The following CTNNA1 variants were observed in gnomAD, a reference collection of about 807,000 sequenced individuals.
CTNNA1 encodes the protein catenin alpha-1.
A neutral mutation model predicts 98.4 loss-of-function variants in CTNNA1; 37 were observed. That is an observed-to-expected ratio of 0.38 (90% CI 0.29 to 0.49). CTNNA1 has a LOEUF of 0.49. CTNNA1 is among the 20% of genes least tolerant of loss of function. The pLI, the probability that CTNNA1 is intolerant of heterozygous loss-of-function variation, is 0.95. For synonymous variants in CTNNA1, 404 were observed against 413.2 expected (o/e 0.98, Z 0.27); for missense variants, 761 against 1,147.2 (o/e 0.66, Z 4.86).
intron 9 of CTNNA1, among the ~76,000 whole-genome samples, chr5:138,888,273 C>CGA (rs1458634233): frequency 6.6e-6 from 1 of 152,180 alleles, no homozygotes; most frequent in African/African-American, 2.4e-5. Flanking sequence ...ACTTATTTCG[C>CGA]AGGTAAGTTA....
intron 5 of CTNNA1, among the ~76,000 whole-genome samples, chr5:138,820,792 C>T (rs1406645395): frequency 6.6e-6 from 1 of 152,150 alleles, no homozygotes; most frequent in Non-Finnish European, 1.5e-5. Context: ...TCTGATGTCA[C>T]TGTTTTAAAC....
chr5:138,833,791 T>C (rs1232825497), intron 7 of CTNNA1, among the ~76,000 whole-genome samples: 2 of 152,194 alleles, frequency 1.3e-5, no homozygotes, highest in Non-Finnish European at 2.9e-5. Context: ...TAGTTTTAGA[T>C]AGAAGAAAAT....
In CTNNA1 at chr5:138,931,190, T is replaced by A. The variant is rs895523633; in HGVS notation, c.2298+255T>A. The A allele has an allele frequency of 6.9e-5, 31 of 451,280 alleles. 1 individual carries two copies. Among genetic ancestry groups the A allele is most frequent in the Middle Eastern group, 6.3e-4 (1 of 1,598 alleles). The allele number at this position is 451,280 out of a possible 1,614,324, so 28.0% of individuals were successfully genotyped here. A position where few individuals can be genotyped will look rare whatever the true frequency, so the allele number is the denominator to read the frequency against. On this transcript the variant is annotated intron_variant, in intron 16 of 17. Coordinates refer to ENST00000302763, the MANE Select transcript of CTNNA1 (RefSeq NM_001903.5). ...TATGTCTCAGTTCCCTCTCTCCCCCTCTGGGCAGGGGCCGAGAGCAGCCAG... is the reference window on the plus strand; with the variant it reads ...TATGTCTCAGTTCCCTCTCTCCCCCACTGGGCAGGGGCCGAGAGCAGCCAG...
At chr5:138,760,650 G>C (rs888715628) in intron 1 of CTNNA1, among the ~76,000 whole-genome samples, 3 of 152,182 alleles carry the variant, frequency 2.0e-5, no homozygotes, top group African/African-American at 7.2e-5. Context: ...ACAGGCGTGA[G>C]CCACCACGTC....
chr5:138,917,936 T>A, intron 11 of CTNNA1, 38 bp downstream of exon 11: 2 of 1,602,496 alleles, frequency 1.2e-6, no homozygotes, highest in Non-Finnish European at 1.7e-6. Context: ...TGTGAAGATG[T>A]TCATAATTAC....
At chr5:138,888,275 G>GAA (rs1754531480) in intron 9 of CTNNA1, among the ~76,000 whole-genome samples, 1 of 152,072 alleles carries the variant, frequency 6.6e-6, no homozygotes, top group African/African-American at 2.4e-5. Flanking sequence ...TTATTTCGCA[G>GAA]GTAAGTTAGG....
intron 1 of CTNNA1, among the ~76,000 whole-genome samples, chr5:138,760,800 C>T (rs1353652216): frequency 6.6e-6 from 1 of 152,172 alleles, no homozygotes. Context: ...GTATTTTCCA[C>T]TTTAGACATT....
intron 3 of CTNNA1, among the ~76,000 whole-genome samples, chr5:138,796,913 C>G (rs1039369339): frequency 3.3e-5 from 5 of 152,286 alleles, no homozygotes; most frequent in Non-Finnish European, 4.4e-5. Context: ...TAAGAAATGC[C>G]TACCTAAGGT....
intron 3 of CTNNA1, among the ~76,000 whole-genome samples, chr5:138,807,407 T>C (rs1758207177): frequency 6.6e-6 from 1 of 152,042 alleles, no homozygotes; most frequent in South Asian, 2.1e-4. Flanking sequence ...GATGGGTTCA[T>C]TTCAGAGTAC....
rs564329400 is a variant in CTNNA1, at chr5:138,932,145, A to G, written c.2299-433A>G. The G allele has an allele frequency of 1.8e-4, 183 of 992,746 alleles. 1 individual carries two copies. The highest frequency in any genetic ancestry group is 1.9e-4 in the Non-Finnish European group (160 of 835,172). 61.5% of individuals were successfully genotyped at this position (992,746 alleles called of 1,614,324 possible). Reference sequence around the variant, plus strand: ...GTGCCTCAGAGCAGAAGAGTTAACTATTTGTTTACTTAGCTAAAAACATCT... The same window carrying G: ...GTGCCTCAGAGCAGAAGAGTTAACTGTTTGTTTACTTAGCTAAAAACATCT... On this transcript the variant is annotated intron_variant, in intron 16 of 17. Coordinates refer to ENST00000302763, the MANE Select transcript of CTNNA1 (RefSeq NM_001903.5).
intron 7 of CTNNA1, among the ~76,000 whole-genome samples, chr5:138,840,827 G>T (rs1412603965): frequency 6.6e-6 from 1 of 152,052 alleles, no homozygotes; most frequent in African/African-American, 2.4e-5. Context: ...AATTGGGTTT[G>T]TGTGTTCGGT....
chr5:138,754,364 A>T (rs1751387447), intron 1 of CTNNA1: 1 of 152,122 alleles, frequency 6.6e-6, no homozygotes, highest in Non-Finnish European at 1.5e-5. Flanking sequence ...CTTCCCAGTA[A>T]TGCAGGCGGC....
chr5:138,873,656 G>A lies in CTNNA1; in HGVS notation c.1063-12556G>A, dbSNP rs545994986. The A allele has an allele frequency of 1.2e-6, 2 of 1,613,920 alleles. No individual in the cohort carries two copies. The highest frequency in any genetic ancestry group is 1.3e-5 in the African/African-American group (1 of 74,944). On this transcript the variant is annotated intron_variant, in intron 7 of 17. Coordinates refer to ENST00000302763, the MANE Select transcript of CTNNA1 (RefSeq NM_001903.5). The surrounding 1 kb of genome is among the most constrained non-coding windows in gnomAD (Gnocchi z 6.1). ...GCCAGAGAGACCAACGGTTGTGAGG[G>A]ATCTCAGGGAGTTTAAGATCTTGGA... is the stretch of plus-strand genomic sequence containing the variant.
intron 10 of CTNNA1, among the ~76,000 whole-genome samples, chr5:138,907,842 A>G (rs1001990896): frequency 2.0e-5 from 3 of 152,164 alleles, no homozygotes; most frequent in Non-Finnish European, 4.4e-5. Flanking sequence ...CCTCATGCCC[A>G]GGCTGCTGTA....
chr5:138,800,991 A>G (rs531915929), intron 3 of CTNNA1, among the ~76,000 whole-genome samples: 6 of 152,318 alleles, frequency 3.9e-5, no homozygotes, highest in South Asian at 2.1e-4. Context: ...GTGTTTCTCA[A>G]TGTTTTGAGT....
intron 4 of CTNNA1, among the ~76,000 whole-genome samples, chr5:138,811,154 C>T (rs1053383052): frequency 6.6e-6 from 1 of 151,536 alleles, no homozygotes; most frequent in African/African-American, 2.4e-5. Flanking sequence ...CTCCTCACTT[C>T]TCAGATGGGG....
At chr5:138,839,380 T>C (rs1762078891) in intron 7 of CTNNA1, among the ~76,000 whole-genome samples, 1 of 152,034 alleles carries the variant, frequency 6.6e-6, no homozygotes, top group Admixed American at 6.6e-5. Context: ...TCTGTATTTT[T>C]AGTAGAGGTG....
intron 5 of CTNNA1, among the ~76,000 whole-genome samples, chr5:138,813,758 A>G (rs926798804): frequency 2.0e-5 from 3 of 152,140 alleles, no homozygotes; most frequent in African/African-American, 7.2e-5. Context: ...AGCTGAGACT[A>G]TAGGCACAGG....
intron 1 of CTNNA1, among the ~76,000 whole-genome samples, chr5:138,766,490 T>C (rs1752959139): frequency 6.9e-6 from 1 of 145,508 alleles, no homozygotes; most frequent in African/African-American, 2.5e-5. Flanking sequence ...CCAATGATAA[T>C]GATAACTGGG....
Sources: gnomAD v4.1 joint callset for allele counts (sites outside exome capture counted in the v4.1 genomes callset) on GRCh38, gnomAD v4.1.1 for gene constraint, Gnocchi (gnomAD v3.1) non-coding constraint, MANE v1.5 for transcripts, NCBI Gene and HGNC (gene_info 2026-07-23, HGNC 2026-07-21) for gene names.